The following PLAA variants were observed in gnomAD, a reference collection of about 807,000 sequenced individuals.
PLAA encodes the protein phospholipase A-2-activating protein.
PLAA carries 48 observed loss-of-function variants against 84.1 expected under a neutral mutation model. The observed-to-expected ratio is 0.57, with a 90% confidence interval of 0.45 to 0.73. PLAA has a LOEUF of 0.73. Ranked by LOEUF, PLAA falls within the 30% of genes least tolerant of loss-of-function variation. The probability of loss-of-function intolerance (pLI) is 0.00; values close to 1 mark genes in which losing one functional copy is unlikely to be tolerated. For synonymous variants in PLAA, 392 were observed against 336.6 expected (o/e 1.16, Z -1.80); for missense variants, 903 against 954.7 (o/e 0.95, Z 0.71).
At position 26,917,099 on chromosome 9, in the gene PLAA, G is replaced by A; in HGVS notation, c.1484C>T (p.Thr495Ile). ...CATGAATCAAAACTACATCCCACCT[G>A]TAAAAGGATCTGCTGTGGGTAGTGT... ...SNTLPTADPF[T>I]GAGRYVPGSA... Residue 495 changes from threonine to isoleucine, a missense_variant and splice_region_variant, in exon 10 of 14, where the codon ACA becomes ATA. Thr to Ile is a moderately conservative substitution (Grantham distance 89). Coordinates refer to ENST00000397292, the MANE Select transcript of PLAA (RefSeq NM_001031689.3). The A allele has an allele frequency of 6.2e-7, 1 of 1,613,022 alleles. No homozygotes were observed. The highest frequency in any genetic ancestry group is 8.5e-7 in the Non-Finnish European group (1 of 1,179,094).
chr9:26,910,469 C>A, intron 11 of PLAA, 30 bp from the exon 12 acceptor site: 1 of 1,509,376 alleles, frequency 6.6e-7, no homozygotes, highest in South Asian at 1.1e-5. Context: ...TGATGATAAT[C>A]ACAAGGAGTG....
intron 11 of PLAA, among the ~76,000 whole-genome samples, chr9:26,911,429 G>A (rs1447019568): frequency 6.6e-6 from 1 of 152,106 alleles, no homozygotes; most frequent in Non-Finnish European, 1.5e-5. Flanking sequence ...GGGATTACAG[G>A]CATAAGCCAC....
At chr9:26,913,756 C>T in intron 11 of PLAA, 123 bp downstream of exon 11, 1 of 629,460 alleles carries the variant, frequency 1.6e-6, no homozygotes, top group Non-Finnish European at 2.7e-6. Context: ...CAAGTTTGGT[C>T]TCGATTTACT....
In PLAA at chr9:26,903,723, ATATTTTG is replaced by A. The variant is rs1824148602; in HGVS notation, c.*1781_*1787del. The stretch of plus-strand genomic sequence containing the variant: ...TGAGATTGTTTCCTTTTGCTAAGCT[ATATTTTG>A]TAATCTCCACAACAAACATGAAATA... On this transcript the variant is annotated 3_prime_UTR_variant, in exon 14 of 14. Coordinates refer to ENST00000397292, the MANE Select transcript of PLAA (RefSeq NM_001031689.3). Among the ~76,000 whole-genome samples the A allele has an allele frequency of 6.6e-6, 1 of 152,046 alleles. No homozygotes were observed. The highest frequency in any genetic ancestry group is 1.5e-5 in the Non-Finnish European group (1 of 67,930).
intron 1 of PLAA, among the ~76,000 whole-genome samples, chr9:26,942,514 T>C (rs1294593011): frequency 6.6e-6 from 1 of 152,140 alleles, no homozygotes; most frequent in African/African-American, 2.4e-5. Flanking sequence ...ATAAAACAAT[T>C]ATTAGCCACA....
chr9:26,947,050 A>T lies in PLAA; in HGVS notation c.-5T>A, dbSNP rs1224966360. On this transcript the variant is annotated 5_prime_UTR_variant, in exon 1 of 14. Coordinates refer to ENST00000397292, the MANE Select transcript of PLAA (RefSeq NM_001031689.3). ...CCTGGTTGCGCCGCTCGTCATGGCC[A>T]GTGTCTGTCTGGCGCCCGGTGCCCA... 6.4e-7 allele frequency: 1 copy of T among 1,574,346 alleles called. No homozygotes were observed.
At chr9:26,923,465 G>T in intron 6 of PLAA, 118 bp from the exon 7 acceptor site, 1 of 740,612 alleles carries the variant, frequency 1.4e-6, no homozygotes. Context: ...ATATTAGCAT[G>T]TTATTAATTG....
chr9:26,946,831 T>G (rs1825741035), intron 1 of PLAA, 66 bp downstream of exon 1: 5 of 1,467,486 alleles, frequency 3.4e-6, no homozygotes, highest in Admixed American at 2.2e-5. Context: ...CAGGGAAGGG[T>G]CACTCTCCTT....
chr9:26,917,325 C>A (rs1209225553), intron 9 of PLAA, among the ~76,000 whole-genome samples, 160 bp from the exon 10 acceptor site: 1 of 152,174 alleles, frequency 6.6e-6, no homozygotes, highest in Non-Finnish European at 1.5e-5. Flanking sequence ...AGTCTTATAA[C>A]TGGGAAAAAA....
In PLAA at chr9:26,926,052, C is replaced by G. The variant is rs765887960; in HGVS notation, c.734-92G>C. The G allele has an allele frequency of 3.1e-6, 3 of 980,988 alleles. No individual in the cohort carries two copies. In the South Asian group the frequency reaches 5.0e-5, roughly 16 times the overall value. 60.8% of individuals were successfully genotyped at this position (980,988 alleles called of 1,614,324 possible). A position where few individuals can be genotyped will look rare whatever the true frequency, so the allele number is the denominator to read the frequency against. Reference sequence around the variant, plus strand: ...TCTAGATACACTGACTTTTTGAAACCCAGAGACTTTCAAAATTACAGTTTT... The same window carrying G: ...TCTAGATACACTGACTTTTTGAAACGCAGAGACTTTCAAAATTACAGTTTT... On this transcript the variant is annotated intron_variant, in intron 5 of 13. Coordinates refer to ENST00000397292, the MANE Select transcript of PLAA (RefSeq NM_001031689.3).
In PLAA at chr9:26,906,025, C is replaced by T. The variant is rs773664160; in HGVS notation, c.1874G>A (p.Ser625Asn). The T allele has an allele frequency of 1.2e-6, 2 of 1,603,274 alleles. No homozygotes were observed. The highest frequency in any genetic ancestry group is 1.1e-5 in the South Asian group (1 of 89,758). The change falls in exon 14 of 14, where the codon AGT becomes AAT. Residue 625 changes from serine (S) to asparagine (N), a missense_variant. Physicochemically the swap from Ser to Asn is conservative, Grantham distance 46 (BLOSUM62 1). Transcript: ENST00000397292. ...DILRLSIKHP[S>N]VNENFCNEKE... ...TTCATTGCAGAAGTTCTCATTCACA[C>T]TGGGGTGTTTAATTGACAACCGAAG...
chr9:26,931,662 A>G (rs1825189073), intron 2 of PLAA, among the ~76,000 whole-genome samples: 2 of 152,210 alleles, frequency 1.3e-5, no homozygotes, highest in African/African-American at 4.8e-5. Flanking sequence ...CAAGGCTTTA[A>G]CCAGTAAAAC....
chr9:26,932,163 TA>T (rs1825206909), intron 2 of PLAA, among the ~76,000 whole-genome samples: 1 of 152,136 alleles, frequency 6.6e-6, no homozygotes, highest in Non-Finnish European at 1.5e-5. Context: ...AAATGAACTG[TA>T]AAAAAAGATT....
chr9:26,905,986 T>G lies in PLAA; in HGVS notation c.1913A>C (p.Gln638Pro), dbSNP rs1563903340. The G allele has an allele frequency of 3.1e-6, 5 of 1,613,884 alleles. No homozygotes were observed. The highest frequency in any genetic ancestry group is 3.3e-4 in the Middle Eastern group (2 of 6,060). Residue 638 changes from glutamine to proline, a missense_variant, in exon 14 of 14, where the codon CAG (glutamine) becomes CCG (proline). Coordinates refer to ENST00000397292, the MANE Select transcript of PLAA (RefSeq NM_001031689.3). Reference protein sequence around the residue: ...ENFCNEKEGAQFSSHLINLLN... With the variant: ...ENFCNEKEGAPFSSHLINLLN... The stretch of plus-strand genomic sequence containing the variant: ...AAGATTGATAAGATGACTGCTGAAC[T>G]GAGCCCCTTCCTTTTCATTGCAGAA...
At chr9:26,923,626 T>C (rs1254912179) in intron 6 of PLAA, among the ~76,000 whole-genome samples, 1 of 152,242 alleles carries the variant, frequency 6.6e-6, no homozygotes, top group Non-Finnish European at 1.5e-5. Context: ...AGCTATAGTA[T>C]GTACTTTTAA....
At chr9:26,920,087 G>C in intron 8 of PLAA, 140 bp downstream of exon 8, 1 of 623,062 alleles carries the variant, frequency 1.6e-6, no homozygotes, top group Non-Finnish European at 2.7e-6. Flanking sequence ...TTCAAGACAG[G>C]GAAAAAAAAG....
Position 26,947,006 on chromosome 9 carries a change from G to C in PLAA, c.40C>G (p.Leu14Val), listed in dbSNP as rs1204945822. 2 of 1,594,218 alleles carry C rather than the reference G, an allele frequency of 1.3e-6. No individual in the cohort carries two copies. The highest frequency in any genetic ancestry group is 1.7e-6 in the Non-Finnish European group (2 of 1,171,200). Residue 14 changes from leucine (L) to valine (V), a missense_variant, in exon 1 of 14, where the codon CTC (leucine) becomes GTC (valine). Transcript: ENST00000397292. ...CGTACGTCCAGCTCGTGGCCCCGGAGCGAGCAGCTCAGCCGGTACCTGGTT... is the reference window on the plus strand; with the variant it reads ...CGTACGTCCAGCTCGTGGCCCCGGACCGAGCAGCTCAGCCGGTACCTGGTT... ...GATRYRLSCS[L>V]RGHELDVRGL...
intron 1 of PLAA, among the ~76,000 whole-genome samples, chr9:26,940,471 G>A (rs535265845): frequency 6.6e-6 from 1 of 152,320 alleles, no homozygotes; most frequent in Non-Finnish European, 1.5e-5. Flanking sequence ...ACATAAAGTA[G>A]AATCGTGGTT....
At chr9:26,921,183 T>G (rs1824746302) in intron 7 of PLAA, among the ~76,000 whole-genome samples, 1 of 152,210 alleles carries the variant, frequency 6.6e-6, no homozygotes, top group Non-Finnish European at 1.5e-5. Context: ...CTGCCTATGA[T>G]GCTCTTCACA....
Sources: allele counts gnomAD v4.1 joint callset (sites outside exome capture counted in the v4.1 genomes callset), GRCh38; gene constraint gnomAD v4.1.1; transcripts MANE v1.5; gene names NCBI Gene and HGNC (gene_info 2026-07-23, HGNC 2026-07-21).